LMTK2: variants seen among roughly 807,000 people sequenced by gnomAD.
LMTK2 encodes the protein lemur tail kinase 2.
Under a neutral mutation model 127.5 loss-of-function variants are expected in LMTK2, and 37 were observed. The ratio of observed to expected loss-of-function variants is 0.29; its 90% confidence interval spans 0.22 to 0.38. The LOEUF is 0.38. Among genes scored for constraint, LMTK2 ranks in the 10% least tolerant of loss-of-function variants. The pLI is 1.00. For synonymous variants in LMTK2, 819 were observed against 810.1 expected (o/e 1.01, Z -0.19); for missense variants, 1,694 against 1,920.3 (o/e 0.88, Z 2.20).
At chr7:98,204,784 TCTC>T (rs1797764498) in intron 13 of LMTK2, among the ~76,000 whole-genome samples, 1 of 152,226 alleles carries the variant, frequency 6.6e-6, no homozygotes, top group South Asian at 2.1e-4. Context: ...CTGCGCGCCA[TCTC>T]CTCTTTTTCT....
At chr7:98,140,124 T>G (rs568748527) in intron 2 of LMTK2, among the ~76,000 whole-genome samples, 7 of 8,102 alleles carry the variant, frequency 8.6e-4, no homozygotes, top group African/African-American at 3.6e-3. Context: ...CTTTCTTTCT[T>G]TCTTTCTTTC....
rs774644635 is a variant in LMTK2, at chr7:98,191,639, C to G, written c.1174C>G (p.Leu392Val). 11 of 1,610,122 alleles carry G rather than the reference C, an allele frequency of 6.8e-6. No individual in the cohort carries two copies. Among genetic ancestry groups the G allele is most frequent in the Non-Finnish European group, 9.3e-6 (11 of 1,178,000 alleles). The change falls in exon 11 of 14, where the codon CTG becomes GTG. Residue 392 changes from leucine to valine, a missense_variant. Leu to Val is a conservative substitution (Grantham distance 32). Transcript: ENST00000297293. The stretch of plus-strand genomic sequence containing the variant: ...GTATGAAGTCTTACAGTTCTGTTGG[C>G]TGTCACCAGAAAAGAGACCCGCGGC... ...RWYEVLQFCW[L>V]SPEKRPAAED...
Position 98,192,271 on chromosome 7 carries a change from A to G in LMTK2, c.1806A>G (p.Thr602=), listed in dbSNP as rs2116462246. 1 of 1,531,766 alleles carries G rather than the reference A, an allele frequency of 6.5e-7. No homozygotes were observed. The highest frequency in any genetic ancestry group is 8.7e-7 in the Non-Finnish European group (1 of 1,145,184). The allele number at this position is 1,531,766 out of a possible 1,614,324, so 94.9% of individuals were successfully genotyped here. A position where few individuals can be genotyped will look rare whatever the true frequency, so the allele number is the denominator to read the frequency against. The change falls in exon 11 of 14, where the codon ACA becomes ACG. Residue 602 remains threonine, a synonymous_variant. Coordinates refer to ENST00000297293, the MANE Select transcript of LMTK2 (RefSeq NM_014916.4). The part of the protein sequence containing the change: ...LRSVELEESS[T]DEDFFQSSTD... ...GCGTTGAACTTGAGGAGTCCAGTAC[A>G]GATGAGGACTTCTTCCAAAGCAGTA...
intron 11 of LMTK2, among the ~76,000 whole-genome samples, chr7:98,197,611 G>A (rs1797643779): frequency 1.3e-5 from 2 of 152,200 alleles, no homozygotes; most frequent in South Asian, 4.1e-4. Context: ...CTAACATTTT[G>A]GAAAGCTGAG....
At chr7:98,172,884 AG>A (rs1797214616) in intron 7 of LMTK2, among the ~76,000 whole-genome samples, 1 of 152,116 alleles carries the variant, frequency 6.6e-6, no homozygotes. Context: ...CAGCCTTCCG[AG>A]TAGCTGGGGC....
chr7:98,175,176 G>A (rs1797257079), intron 7 of LMTK2, among the ~76,000 whole-genome samples: 1 of 152,210 alleles, frequency 6.6e-6, no homozygotes, highest in Non-Finnish European at 1.5e-5. Flanking sequence ...GCAGGAGGAG[G>A]AAGAGTTACT....
chr7:98,195,245 A>G (rs1360175460), intron 11 of LMTK2, among the ~76,000 whole-genome samples: 1 of 152,188 alleles, frequency 6.6e-6, no homozygotes, highest in Non-Finnish European at 1.5e-5. Context: ...GCCTGGAACC[A>G]TGGCTGGCGT....
intron 3 of LMTK2, among the ~76,000 whole-genome samples, chr7:98,142,171 G>A (rs1796708810): frequency 6.6e-6 from 1 of 152,132 alleles, no homozygotes; most frequent in Non-Finnish European, 1.5e-5. Context: ...GACCAAAGAA[G>A]TAGGTTCAAG....
Position 98,203,706 on chromosome 7 carries a change from G to T in LMTK2, c.4240G>T (p.Gly1414Cys). Residue 1414 changes from glycine (G) to cysteine (C), a missense_variant and splice_region_variant, in exon 12 of 14, where the codon GGT (glycine) becomes TGT (cysteine). By Grantham distance (159) the Gly-to-Cys change is radical. Coordinates refer to ENST00000297293, the MANE Select transcript of LMTK2 (RefSeq NM_014916.4). ...INSESSTDEE[G>C]GGFEWDDDFS... ...CTCCGAAAGCTCCACCGACGAAGAA[G>T]GTATTTCACGTCATTGTCTAGTTTT... is the stretch of plus-strand genomic sequence containing the variant. 6.2e-7 allele frequency: 1 copy of T among 1,613,180 alleles called. No homozygotes were observed.
chr7:98,207,907 G>A lies in LMTK2; in HGVS notation c.*2415G>A, dbSNP rs1797833551. On this transcript the variant is annotated 3_prime_UTR_variant, in exon 14 of 14. Transcript: ENST00000297293. Reference sequence around the variant, plus strand: ...AGTTCAAGACCAGCCTGGGCAACATGGCGAAACCTCGTCTCTACTAAAAAT... The same window carrying A: ...AGTTCAAGACCAGCCTGGGCAACATAGCGAAACCTCGTCTCTACTAAAAAT... 6.7e-6 allele frequency: 1 copy of A among 150,338 alleles called. No homozygotes were observed. Among genetic ancestry groups the A allele is most frequent in the African/African-American group, 2.5e-5 (1 of 40,658 alleles). 9.3% of individuals were successfully genotyped at this position (150,338 alleles called of 1,614,324 possible).
intron 2 of LMTK2, among the ~76,000 whole-genome samples, chr7:98,139,176 ATCACACTTCACTACAGCC>A (rs1389216956): frequency 6.6e-6 from 1 of 152,064 alleles, no homozygotes; most frequent in Non-Finnish European, 1.5e-5. Flanking sequence ...CCCAGGCTGG[ATCACACTTCACTACAGCC>A]TCAACCTCCC....
At chr7:98,158,814 G>A (rs1020332677) in intron 5 of LMTK2, among the ~76,000 whole-genome samples, 2 of 152,114 alleles carry the variant, frequency 1.3e-5, no homozygotes, top group African/African-American at 4.8e-5. Context: ...CCAGTCTCCC[G>A]CAGGTACTAA....
intron 6 of LMTK2, among the ~76,000 whole-genome samples, chr7:98,159,966 T>C (rs1318427640): frequency 6.6e-6 from 1 of 152,238 alleles, no homozygotes; most frequent in Non-Finnish European, 1.5e-5. Context: ...CATGATAATA[T>C]TATTTATTGG....
At chr7:98,129,865 GGA>G (rs1355114318) in intron 1 of LMTK2, among the ~76,000 whole-genome samples, 1 of 152,100 alleles carries the variant, frequency 6.6e-6, no homozygotes, top group African/African-American at 2.4e-5. Context: ...AGTCATTGGT[GGA>G]TTATACAAGC....
At position 98,171,505 on chromosome 7, in the gene LMTK2, G is replaced by A; in HGVS notation, c.658-36G>A. On this transcript the variant is annotated intron_variant, in intron 6 of 13. Transcript: ENST00000297293. The surrounding 1 kb of genome is among the most constrained non-coding windows in gnomAD (Gnocchi z 5.1). The stretch of plus-strand genomic sequence containing the variant: ...TTTAAGCGCTCACTTTATTCCTGTG[G>A]CTCGTTTGGAAACTCACACGGGCTG... 1 of 1,613,760 alleles carries A rather than the reference G, an allele frequency of 6.2e-7. No individual in the cohort carries two copies.
chr7:98,180,643 A>G (rs1274674176), intron 7 of LMTK2, among the ~76,000 whole-genome samples: 1 of 152,234 alleles, frequency 6.6e-6, no homozygotes, highest in Non-Finnish European at 1.5e-5. Context: ...CATGAAAGTA[A>G]TTTGGAAAGG....
Sources: gnomAD v4.1 joint callset for allele counts (sites outside exome capture counted in the v4.1 genomes callset) on GRCh38, gnomAD v4.1.1 for gene constraint, Gnocchi (gnomAD v3.1) non-coding constraint, MANE v1.5 for transcripts, NCBI Gene and HGNC (gene_info 2026-07-23, HGNC 2026-07-21) for gene names.